The following GTPBP1 variants were observed in gnomAD, a reference collection of about 807,000 sequenced individuals.
The protein encoded by GTPBP1 is GTP binding protein 1, also known as GTP-binding protein 1.
Under a neutral mutation model 62.0 loss-of-function variants are expected in GTPBP1, and 23 were observed. That is an observed-to-expected ratio of 0.37 (90% CI 0.27 to 0.53). GTPBP1 has a LOEUF of 0.53. GTPBP1 is among the 20% of genes least tolerant of loss of function. The pLI is 0.89. For missense variants in GTPBP1, 640 were observed against 917.3 expected (o/e 0.70, Z 3.90); for synonymous variants, 344 against 364.4 (o/e 0.94, Z 0.64).
intron 2 of GTPBP1, among the ~76,000 whole-genome samples, chr22:38,709,284 C>A (rs2092624569): frequency 6.6e-6 from 1 of 151,770 alleles, no homozygotes; most frequent in East Asian, 1.9e-4. Context: ...AAGAGTGAAA[C>A]TCTGTCTCAA....
chr22:38,708,928 G>A lies in GTPBP1; in HGVS notation c.276G>A (p.Glu92=). The change falls in exon 2 of 12, where the codon GAG becomes GAA. Residue 92 remains glutamate (E), a synonymous_variant. Coordinates refer to ENST00000216044, the MANE Select transcript of GTPBP1 (RefSeq NM_004286.5). ...MWERMDEGCG[E]TIYVIGQGSD... is the part of the protein sequence containing the mutation. ...AGAGGATGGACGAGGGATGCGGAGA[G>A]ACCATATATGTCATTGGGCAGGGAT... The A allele has an allele frequency of 6.3e-7, 1 of 1,599,444 alleles. No homozygotes were observed. The highest frequency in any genetic ancestry group is 8.6e-7 in the Non-Finnish European group (1 of 1,166,496).
chr22:38,729,731 G>T (rs2092746891), intron 11 of GTPBP1, 69 bp downstream of exon 11: 12 of 1,235,504 alleles, frequency 9.7e-6, no homozygotes, highest in East Asian at 8.9e-5. Flanking sequence ...ATTCGGTGAG[G>T]GTGACATGTA....
rs1192208525 is a variant in GTPBP1 at position 38,724,409 on chromosome 22, A to G, written c.1071A>G (p.Glu357=). The G allele has an allele frequency of 2.5e-6, 4 of 1,582,454 alleles. No homozygotes were observed. Among genetic ancestry groups the G allele is most frequent in the Admixed American group, 3.3e-5 (2 of 59,984 alleles). ...VIVTASNFSS[E]RMCPIFQISN... is the part of the protein sequence containing the mutation. ...TCACAGCCTCCAACTTCAGCTCTGA[A>G]AGGTAACGCGTGGGGAGCGCACACT... The change falls in exon 6 of 12, where the codon GAA becomes GAG. Residue 357 remains glutamate (E), a splice_region_variant and synonymous_variant. Transcript: ENST00000216044.
In GTPBP1 at chr22:38,721,903, T is replaced by TG; in HGVS notation, c.958+42dup. ...TCCAGCTAGCAGCAGCCCCTCTGAT[T>TG]GGGGCTGTCACCTGCTGTGCCTTCA... On this transcript the variant is annotated intron_variant, in intron 5 of 11. Coordinates refer to ENST00000216044, the MANE Select transcript of GTPBP1 (RefSeq NM_004286.5). 2.0e-6 allele frequency: 3 copies of TG among 1,524,556 alleles called. No homozygotes were observed. In the South Asian group the frequency reaches 3.7e-5, roughly 19 times the overall value. The allele number at this position is 1,524,556 out of a possible 1,614,324, so 94.4% of individuals were successfully genotyped here. A position where few individuals can be genotyped will look rare whatever the true frequency, so the allele number is the denominator to read the frequency against.
chr22:38,725,535 A>C (rs989154852), intron 6 of GTPBP1: 10 of 155,548 alleles, frequency 6.4e-5, no homozygotes, highest in African/African-American at 2.2e-4. Context: ...CCAAAGTTTT[A>C]GGAGAAGGGA....
At chr22:38,706,212 C>T in intron 1 of GTPBP1, 65 bp downstream of exon 1, 3 of 1,069,752 alleles carry the variant, frequency 2.8e-6, no homozygotes, top group Non-Finnish European at 3.6e-6. Flanking sequence ...GTCTCCCGGG[C>T]GACGGCGGGG....
chr22:38,718,631 G>A (rs566540081), intron 4 of GTPBP1, among the ~76,000 whole-genome samples: 1 of 152,336 alleles, frequency 6.6e-6, no homozygotes, highest in South Asian at 2.1e-4. Context: ...GCCAGCTGGG[G>A]TGACTCATCT....
chr22:38,725,649 G>A (rs1261889188), intron 6 of GTPBP1, among the ~76,000 whole-genome samples: 2 of 152,190 alleles, frequency 1.3e-5, no homozygotes, highest in Non-Finnish European at 2.9e-5. Context: ...AGAGGGATTT[G>A]GGGTATCTTC....
chr22:38,737,398 C>G (rs949455151), downstream of GTPBP1, among the ~76,000 whole-genome samples: 1 of 152,296 alleles, frequency 6.6e-6, no homozygotes, highest in African/African-American at 2.4e-5. The surrounding 1 kb of genome is among the most constrained non-coding windows in gnomAD (Gnocchi z 4.1). Flanking sequence ...CAACGCCCCT[C>G]TCCCCCACCT....
At chr22:38,723,864 G>A (rs2092713450) in intron 5 of GTPBP1, among the ~76,000 whole-genome samples, 1 of 152,224 alleles carries the variant, frequency 6.6e-6, no homozygotes, top group Non-Finnish European at 1.5e-5. Context: ...TTGTAGAAAA[G>A]TATCCCTTTG....
chr22:38,737,639 C>G, downstream of GTPBP1: 1 of 341,208 alleles, frequency 2.9e-6, no homozygotes, highest in Non-Finnish European at 5.8e-6. The surrounding 1 kb of genome is among the most constrained non-coding windows in gnomAD (Gnocchi z 4.1). Flanking sequence ...CAATTCCTCA[C>G]TCCAGGACTC....
intron 5 of GTPBP1, chr22:38,723,071 G>A: frequency 1.3e-6 from 1 of 775,790 alleles, no homozygotes; most frequent in Non-Finnish European, 2.4e-6. Context: ...ATTTCTTGGT[G>A]TATTTATCCA....
intron 11 of GTPBP1, 94 bp downstream of exon 11, chr22:38,729,756 C>T: frequency 3.1e-6 from 3 of 953,778 alleles, no homozygotes; most frequent in Non-Finnish European, 4.3e-6. Flanking sequence ...AGCCTCAAAC[C>T]TGGCTAGAGG....
At chr22:38,738,541 G>A, downstream of GTPBP1, 2 of 1,590,916 alleles carry the variant, frequency 1.3e-6, no homozygotes, top group Non-Finnish European at 1.7e-6. This position sits in a 1 kb window ranked among gnomAD's most constrained non-coding sequence, Gnocchi z 6.6. Flanking sequence ...AGGCCCACAG[G>A]ATCCCCCTGC....
downstream of GTPBP1, chr22:38,736,141 G>T: frequency 1.1e-6 from 1 of 935,512 alleles, no homozygotes. Flanking sequence ...CTTTTCATCT[G>T]CATGGGGCCA....
chr22:38,716,288 G>A lies in GTPBP1; in HGVS notation c.485+201G>A, dbSNP rs1022867191. On this transcript the variant is annotated intron_variant, in intron 3 of 11. Transcript: ENST00000216044. The surrounding 1 kb of genome is among the most constrained non-coding windows in gnomAD (Gnocchi z 5.2). ...GAAGAGCACGAGAGAGGCCAGCCGTGCATTCTGTGGCCATTCTCTGTGGGT... is the reference window on the plus strand; with the variant it reads ...GAAGAGCACGAGAGAGGCCAGCCGTACATTCTGTGGCCATTCTCTGTGGGT... 10 of 597,076 alleles carry A rather than the reference G, an allele frequency of 1.7e-5. No individual in the cohort carries two copies. In the Admixed American group the frequency reaches 3.1e-4, roughly 18 times the overall value. 37.0% of individuals were successfully genotyped at this position (597,076 alleles called of 1,614,324 possible).
At chr22:38,714,119 G>A (rs5750673) in intron 2 of GTPBP1, among the ~76,000 whole-genome samples, 43,639 of 152,084 alleles carry the variant, frequency 0.29, 6,359 homozygotes, top group East Asian at 0.36. Flanking sequence ...AAGAGGGAAA[G>A]GCTGAGTGGC....
chr22:38,710,891 G>A (rs1227448061), intron 2 of GTPBP1, among the ~76,000 whole-genome samples: 1 of 151,988 alleles, frequency 6.6e-6, no homozygotes, highest in African/African-American at 2.4e-5. Flanking sequence ...CCCACCCATG[G>A]CAATTAACCC....
intron 2 of GTPBP1, among the ~76,000 whole-genome samples, chr22:38,710,445 T>C (rs1404541183): frequency 6.6e-6 from 1 of 152,216 alleles, no homozygotes; most frequent in Non-Finnish European, 1.5e-5. Context: ...TGAAATATCT[T>C]TCGTATCTGT....
Sources: allele counts gnomAD v4.1 joint callset (sites outside exome capture counted in the v4.1 genomes callset), GRCh38; gene constraint gnomAD v4.1.1; non-coding constraint Gnocchi (gnomAD v3.1); transcripts MANE v1.5; gene names NCBI Gene and HGNC (gene_info 2026-07-23, HGNC 2026-07-21).